The following PPARGC1A variants were observed in gnomAD, a reference collection of about 807,000 sequenced individuals.
PPARGC1A encodes the protein peroxisome proliferator-activated receptor gamma coactivator 1-alpha.
In PPARGC1A, 25 loss-of-function variants were observed where a neutral mutation model predicts 88.7. The ratio of observed to expected loss-of-function variants is 0.28; its 90% CI spans 0.21 to 0.39. The LOEUF is 0.39. Among genes scored for constraint, PPARGC1A ranks in the 10% least tolerant of loss-of-function variants. PPARGC1A has a pLI of 1.00. For synonymous variants in PPARGC1A, 363 were observed against 355.6 expected (o/e 1.02, Z -0.24); for missense variants, 880 against 968.7 (o/e 0.91, Z 1.22).
At chr4:23,840,161 G>A (rs1026013786) in intron 2 of PPARGC1A, among the ~76,000 whole-genome samples, 1 of 152,018 alleles carries the variant, frequency 6.6e-6, no homozygotes, top group African/African-American at 2.4e-5. Flanking sequence ...TAAATCTTAA[G>A]AGTGCCTTAC....
chr4:24,289,485 C>T, the PPARGC1A span, among the ~76,000 whole-genome samples: 3 of 152,190 alleles, frequency 2.0e-5, no homozygotes, highest in African/African-American at 7.2e-5. Flanking sequence ...ATTCTCTCCT[C>T]GACACTTCCC....
chr4:24,082,566 A>G, the PPARGC1A span, among the ~76,000 whole-genome samples: 5 of 152,166 alleles, frequency 3.3e-5, no homozygotes, highest in African/African-American at 4.8e-5. Context: ...TAAGTGAGAG[A>G]ATCGCTGCAT....
At chr4:24,015,833 C>A in the PPARGC1A span, among the ~76,000 whole-genome samples, 1 of 152,146 alleles carries the variant, frequency 6.6e-6, no homozygotes, top group Non-Finnish European at 1.5e-5. Flanking sequence ...AACTAATGTT[C>A]ATTTCATAAG....
At chr4:23,824,639 G>A in intron 5 of PPARGC1A, 131 bp from the exon 6 acceptor site, 2 of 809,098 alleles carry the variant, frequency 2.5e-6, no homozygotes, top group South Asian at 1.8e-5. Context: ...TCTGAATATT[G>A]AATCAAAGTC....
the PPARGC1A span, among the ~76,000 whole-genome samples, chr4:24,375,346 G>C: frequency 6.6e-6 from 1 of 152,248 alleles, no homozygotes; most frequent in East Asian, 1.9e-4. Flanking sequence ...GCCACCATTT[G>C]GATTCAAGAT....
chr4:24,162,817 C>A, the PPARGC1A span, among the ~76,000 whole-genome samples: 1 of 151,880 alleles, frequency 6.6e-6, no homozygotes, highest in Non-Finnish European at 1.5e-5. Context: ...TGGTCTCGCA[C>A]CCCTGACCTC....
chr4:24,117,517 A>G, the PPARGC1A span, among the ~76,000 whole-genome samples: 110 of 151,698 alleles, frequency 7.3e-4, no homozygotes, highest in African/African-American at 2.4e-3. Context: ...GAAGCTACTG[A>G]AAGTTCAGCA....
chr4:23,985,137 A>G, the PPARGC1A span, among the ~76,000 whole-genome samples: 14 of 152,264 alleles, frequency 9.2e-5, no homozygotes, highest in East Asian at 9.7e-4. Flanking sequence ...AAGTCCATCA[A>G]TGTTTATTAC....
At chr4:24,280,668 G>T in the PPARGC1A span, among the ~76,000 whole-genome samples, 2 of 152,210 alleles carry the variant, frequency 1.3e-5, no homozygotes, top group African/African-American at 2.4e-5. Flanking sequence ...ACATTTCTAT[G>T]AAAAGTAGAG....
intron 2 of PPARGC1A, among the ~76,000 whole-genome samples, chr4:23,870,216 A>G (rs1712998893): frequency 6.6e-6 from 1 of 152,244 alleles, no homozygotes; most frequent in Non-Finnish European, 1.5e-5. Flanking sequence ...CAGATAAATC[A>G]AAGAACTTAA....
chr4:24,015,986 A>C, the PPARGC1A span, among the ~76,000 whole-genome samples: 3 of 152,220 alleles, frequency 2.0e-5, no homozygotes, highest in Non-Finnish European at 4.4e-5. Flanking sequence ...AAGCTGATAA[A>C]GCATGCACAA....
chr4:24,181,746 T>C, the PPARGC1A span, among the ~76,000 whole-genome samples: 1 of 152,112 alleles, frequency 6.6e-6, no homozygotes, highest in African/African-American at 2.4e-5. Context: ...AAACTTAATT[T>C]AACAAGAATA....
chr4:23,861,563 A>G (rs1052155132), intron 2 of PPARGC1A, among the ~76,000 whole-genome samples: 2 of 152,236 alleles, frequency 1.3e-5, no homozygotes, highest in African/African-American at 4.8e-5. Flanking sequence ...CTTATAATGT[A>G]GGTGAGAGAA....
the PPARGC1A span, among the ~76,000 whole-genome samples, chr4:24,235,196 C>T: frequency 6.6e-6 from 1 of 152,176 alleles, no homozygotes; most frequent in African/African-American, 2.4e-5. Context: ...GGGGTGGTGA[C>T]TTTAAGAAAC....
chr4:23,827,170 A>G (rs890443342), intron 5 of PPARGC1A, among the ~76,000 whole-genome samples: 4 of 152,296 alleles, frequency 2.6e-5, no homozygotes, highest in Middle Eastern at 3.4e-3. Context: ...AACTGACAGA[A>G]AGTGATGGGC....
At chr4:23,882,293 C>T (rs1263345195) in intron 2 of PPARGC1A, among the ~76,000 whole-genome samples, 1 of 152,188 alleles carries the variant, frequency 6.6e-6, no homozygotes, top group Non-Finnish European at 1.5e-5. Context: ...TACGACTTCT[C>T]ATTCTTTATA....
At chr4:23,934,823 G>C in the PPARGC1A span, among the ~76,000 whole-genome samples, 1 of 152,328 alleles carries the variant, frequency 6.6e-6, no homozygotes, top group South Asian at 2.1e-4. Context: ...GATCCAGGAA[G>C]TGAATAAGCA....
At chr4:23,929,527 T>A in the PPARGC1A span, among the ~76,000 whole-genome samples, 5 of 152,334 alleles carry the variant, frequency 3.3e-5, no homozygotes, top group East Asian at 9.7e-4. Flanking sequence ...ACTCACACTT[T>A]GCTGGAAGTG....
the PPARGC1A span, among the ~76,000 whole-genome samples, chr4:24,287,286 A>G: frequency 7.2e-5 from 11 of 152,076 alleles, no homozygotes; most frequent in Non-Finnish European, 1.3e-4. Context: ...ACTGGTTTAT[A>G]ATGAGTCACA....
Sources: gnomAD v4.1 joint callset for allele counts (sites outside exome capture counted in the v4.1 genomes callset) on GRCh38, gnomAD v4.1.1 for gene constraint, MANE v1.5 for transcripts, NCBI Gene and HGNC (gene_info 2026-07-23, HGNC 2026-07-21) for gene names.